Variants in NUBP1 observed in about 807,000 individuals in gnomAD.
NUBP1 encodes cytosolic Fe-S cluster assembly factor NUBP1.
A neutral mutation model predicts 41.8 loss-of-function variants in NUBP1; 46 were observed. The observed-to-expected ratio is 1.10, with a 90% confidence interval of 0.87 to 1.41. The LOEUF is 1.41. NUBP1 is among the 40% of genes most tolerant of loss of function. The probability of loss-of-function intolerance (pLI) is 0.00; values close to 1 mark genes in which losing one functional copy is unlikely to be tolerated. For missense variants in NUBP1, 494 were observed against 414.0 expected, an observed-to-expected ratio of 1.19 and a Z score of -1.68; for synonymous variants, 189 against 154.6, an observed-to-expected ratio of 1.22 and a Z score of -1.65.
At position 10,766,785 on chromosome 16, in the gene NUBP1, TTAAA is replaced by T. The variant is rs2030946579; in HGVS notation, c.821-1161_821-1158del. 2.5e-6 allele frequency: 1 copy of T among 397,182 alleles called. No individual in the cohort carries two copies. Among genetic ancestry groups the T allele is most frequent in the Non-Finnish European group, 4.4e-6 (1 of 225,698 alleles). 24.6% of individuals were successfully genotyped at this position (397,182 alleles called of 1,614,324 possible). A position where few individuals can be genotyped will look rare whatever the true frequency, so the allele number is the denominator to read the frequency against. On this transcript the variant is annotated intron_variant, in intron 9 of 10. Coordinates refer to ENST00000283027, the MANE Select transcript of NUBP1 (RefSeq NM_002484.4). This position sits in a 1 kb window ranked among gnomAD's most constrained non-coding sequence, Gnocchi z 4.8. ...AGGCCCCATTACAGAGTTTTTGTGT[TTAAA>T]TACCCTCTACTTGAGGTACGCCCTA...
chr16:10,759,636 C>T lies in NUBP1; in HGVS notation c.606+1609C>T, dbSNP rs535961374. On this transcript the variant is annotated intron_variant, in intron 7 of 10. Transcript: ENST00000283027. This position sits in a 1 kb window ranked among gnomAD's most constrained non-coding sequence, Gnocchi z 4.7. ...CAAAAAAATACAAAAATTAGCCAGG[C>T]GTGGTGGTGGGCACCTGTAATCCCA... is the stretch of plus-strand genomic sequence containing the variant. Among the ~76,000 whole-genome samples the T allele has an allele frequency of 3.3e-5, 5 of 152,036 alleles. No homozygotes were observed. Among genetic ancestry groups the T allele is most frequent in the Non-Finnish European group, 7.4e-5 (5 of 68,008 alleles).
Position 10,743,901 on chromosome 16 carries a change from C to G in NUBP1, c.19+19C>G. 1 of 1,571,462 alleles carries G rather than the reference C, an allele frequency of 6.4e-7. No homozygotes were observed. The highest frequency in any genetic ancestry group is 8.6e-7 in the Non-Finnish European group (1 of 1,160,506). On this transcript the variant is annotated intron_variant, in intron 1 of 10. Coordinates refer to ENST00000283027, the MANE Select transcript of NUBP1 (RefSeq NM_002484.4). ...CCTCACGGTAAGCTCGCGGAGGGGG[C>G]GTGGGTCGCGGGGCGAAAGTGTCGG...
Position 10,757,789 on chromosome 16 carries a change from C to A in NUBP1, c.452-84C>A. The A allele has an allele frequency of 1.1e-5, 17 of 1,537,874 alleles. No homozygotes were observed. The highest frequency in any genetic ancestry group is 1.4e-5 in the Non-Finnish European group (16 of 1,130,992). On this transcript the variant is annotated intron_variant, in intron 6 of 10. Transcript: ENST00000283027. This position sits in a 1 kb window ranked among gnomAD's most constrained non-coding sequence, Gnocchi z 4.1. ...GCCAACCTGGGCAACATAGCAAGAC[C>A]CCATCCTTTAAAAAAAAAAGAGGGA...
Position 10,768,076 on chromosome 16 carries a change from G to C in NUBP1, c.904+44G>C. On this transcript the variant is annotated intron_variant, in intron 10 of 10. Transcript: ENST00000283027. This position sits in a 1 kb window ranked among gnomAD's most constrained non-coding sequence, Gnocchi z 4.3. ...ACTAAATGCAGATGCCTGTGGGGCAGGAAGCAACATAAAGGAGCCAGGGGT... is the reference window on the plus strand; with the variant it reads ...ACTAAATGCAGATGCCTGTGGGGCACGAAGCAACATAAAGGAGCCAGGGGT... 1.3e-6 allele frequency: 2 copies of C among 1,586,384 alleles called. No individual in the cohort carries two copies. Among genetic ancestry groups the C allele is most frequent in the East Asian group, 2.2e-5 (1 of 44,708 alleles).
chr16:10,754,964 G>T (rs1900486382), intron 4 of NUBP1, among the ~76,000 whole-genome samples: 1 of 152,142 alleles, frequency 6.6e-6, no homozygotes, highest in African/African-American at 2.4e-5. Context: ...AGAATCACTT[G>T]AACCTGGGAG....
Position 10,757,126 on chromosome 16 carries a change from C to A in NUBP1, c.451+346C>A, listed in dbSNP as rs907765303. On this transcript the variant is annotated intron_variant, in intron 6 of 10. Coordinates refer to ENST00000283027, the MANE Select transcript of NUBP1 (RefSeq NM_002484.4). The surrounding 1 kb of genome is among the most constrained non-coding windows in gnomAD (Gnocchi z 4.1). ...ACCAGCCTCGCCGACATGGTGAAAC[C>A]CTGTCTCTACCAAAAACATAAAAAA... 6.6e-6 allele frequency among the ~76,000 whole-genome samples: 1 copy of A among 151,956 alleles called. No individual in the cohort carries two copies. The highest frequency in any genetic ancestry group is 2.4e-5 in the African/African-American group (1 of 41,344).
Position 10,757,816 on chromosome 16 carries a change from T to A in NUBP1, c.452-57T>A. On this transcript the variant is annotated intron_variant, in intron 6 of 10. Transcript: ENST00000283027. This position sits in a 1 kb window ranked among gnomAD's most constrained non-coding sequence, Gnocchi z 4.1. ...CATCCTTTAAAAAAAAAAGAGGGAG[T>A]TGAAAGTACAGAAAAGAAAGGAAAA... is the stretch of plus-strand genomic sequence containing the variant. 48 of 1,553,552 alleles carry A rather than the reference T, an allele frequency of 3.1e-5. No individual in the cohort carries two copies. In the South Asian group the frequency reaches 3.2e-4, roughly 11 times the overall value.
rs990703632 is a variant in NUBP1, at chr16:10,761,481, G to A, written c.717+7G>A. On this transcript the variant is annotated splice_region_variant and intron_variant, in intron 8 of 10. Transcript: ENST00000283027. ...CATCTGTCCTAAGTGCAAGGTGAGGGCGCGTGGGGCTGCCAGGCGAGCAAG... is the reference window on the plus strand; with the variant it reads ...CATCTGTCCTAAGTGCAAGGTGAGGACGCGTGGGGCTGCCAGGCGAGCAAG... 1 of 1,609,966 alleles carries A rather than the reference G, an allele frequency of 6.2e-7. No individual in the cohort carries two copies. The highest frequency in any genetic ancestry group is 2.2e-5 in the East Asian group (1 of 44,842).
chr16:10,756,833 C>A, intron 6 of NUBP1, 53 bp downstream of exon 6: 1 of 1,461,540 alleles, frequency 6.8e-7, no homozygotes, highest in Non-Finnish European at 9.3e-7. Flanking sequence ...AGCGTTGTGG[C>A]TCTTGGCTTT....
rs1331172958 is a variant in NUBP1 at position 10,755,652 on chromosome 16, G to C, written c.328-69G>C. The C allele has an allele frequency of 2.8e-6, 4 of 1,435,018 alleles. No individual in the cohort carries two copies. In the South Asian group the frequency reaches 4.6e-5, roughly 17 times the overall value. The allele number at this position is 1,435,018 out of a possible 1,614,324, so 88.9% of individuals were successfully genotyped here. On this transcript the variant is annotated intron_variant, in intron 4 of 10. Coordinates refer to ENST00000283027, the MANE Select transcript of NUBP1 (RefSeq NM_002484.4). The stretch of plus-strand genomic sequence containing the variant: ...ACCATCGTCTTACTTTGTACAATTT[G>C]TCTGTGCATGAAATGTGACCAGGGT...
Position 10,757,109 on chromosome 16 carries a change from C to T in NUBP1, c.451+329C>T, listed in dbSNP as rs938627268. ...GAGGTCAGGAGTTCAAGACCAGCCT[C>T]GCCGACATGGTGAAACCCTGTCTCT... On this transcript the variant is annotated intron_variant, in intron 6 of 10. Transcript: ENST00000283027. The surrounding 1 kb of genome is among the most constrained non-coding windows in gnomAD (Gnocchi z 4.1). Among the ~76,000 whole-genome samples the T allele has an allele frequency of 1.3e-5, 2 of 152,056 alleles. No homozygotes were observed. The highest frequency in any genetic ancestry group is 6.6e-5 in the Admixed American group (1 of 15,250).
At chr16:10,754,585 G>A (rs183003439) in intron 4 of NUBP1, among the ~76,000 whole-genome samples, 4 of 152,210 alleles carry the variant, frequency 2.6e-5, no homozygotes, top group East Asian at 1.9e-4. Flanking sequence ...ACAGAGGACC[G>A]CATGTTGTGT....
At chr16:10,764,854 C>G in intron 9 of NUBP1, among the ~76,000 whole-genome samples, 1 of 132,422 alleles carries the variant, frequency 7.6e-6, no homozygotes, top group African/African-American at 2.9e-5. Flanking sequence ...CATCTGTCTG[C>G]TGGAGTATGT....
At chr16:10,755,791 G>A (rs753961809) in intron 5 of NUBP1, 38 bp downstream of exon 5, 30 of 1,598,576 alleles carry the variant, frequency 1.9e-5, no homozygotes, top group South Asian at 1.1e-5. Context: ...TCACAGTAGT[G>A]TGTGGTTGTG....
chr16:10,763,375 T>C (rs2030318675), intron 9 of NUBP1, among the ~76,000 whole-genome samples: 1 of 152,002 alleles, frequency 6.6e-6, no homozygotes, highest in Admixed American at 6.6e-5. Flanking sequence ...CGAGGGCCAC[T>C]CTGAAGATGG....
At chr16:10,744,203 G>C in intron 2 of NUBP1, 138 bp downstream of exon 2, 16 of 820,416 alleles carry the variant, frequency 2.0e-5, no homozygotes, top group South Asian at 3.9e-5. Context: ...GAGGGGTGGG[G>C]CCCAGAAGGG....
intron 4 of NUBP1, among the ~76,000 whole-genome samples, chr16:10,754,433 G>C (rs572547802): frequency 1.8e-4 from 27 of 151,928 alleles, no homozygotes; most frequent in Non-Finnish European, 1.9e-4. Context: ...AGTAGAGTTG[G>C]GGTTTCACCA....
intron 3 of NUBP1, 149 bp downstream of exon 3, chr16:10,747,425 G>C: frequency 2.0e-6 from 2 of 1,008,112 alleles, no homozygotes; most frequent in Non-Finnish European, 2.9e-6. Flanking sequence ...CTTGAGGCCA[G>C]GAGTTTGAGA....
intron 9 of NUBP1, 47 bp downstream of exon 9, chr16:10,761,906 C>T (rs768817309): frequency 6.8e-7 from 1 of 1,470,076 alleles, no homozygotes; most frequent in East Asian, 2.3e-5. Flanking sequence ...CGGTCAGCCC[C>T]ACAGGCACGG....
Sources: allele counts gnomAD v4.1 joint callset (sites outside exome capture counted in the v4.1 genomes callset), GRCh38; gene constraint gnomAD v4.1.1; non-coding constraint Gnocchi (gnomAD v3.1); transcripts MANE v1.5; gene names NCBI Gene and HGNC (gene_info 2026-07-23, HGNC 2026-07-21).